C17orf114: variants seen among roughly 807,000 people sequenced by gnomAD.
C17orf114 encodes chromosome 17 open reading frame 114.
chr17:4,806,642 T>C (rs1905836807), upstream of C17orf114: 1 of 152,196 alleles, frequency 6.6e-6, no homozygotes, highest in Non-Finnish European at 1.5e-5. Flanking sequence ...AATGGGTTTG[T>C]AGCCACCACC....
upstream of C17orf114, among the ~76,000 whole-genome samples, chr17:4,803,934 C>T (rs941463089): frequency 6.6e-6 from 1 of 151,702 alleles, no homozygotes; most frequent in South Asian, 2.1e-4. Context: ...GTTGGCCAGG[C>T]TGTTCTCCAA....
upstream of C17orf114, among the ~76,000 whole-genome samples, chr17:4,804,036 T>C (rs1905579234): frequency 6.6e-6 from 1 of 151,940 alleles, no homozygotes; most frequent in African/African-American, 2.4e-5. Context: ...ATCTACTCTT[T>C]TGACCAGTAC....
chr17:4,802,283 C>T (rs1056455032), exon 1 of C17orf114: 6 of 399,676 alleles, frequency 1.5e-5, no homozygotes, highest in African/African-American at 6.2e-5. Context: ...CTCCGGCACC[C>T]GCACCATGGG....
chr17:4,804,202 T>C (rs192002162), upstream of C17orf114, among the ~76,000 whole-genome samples: 40 of 147,436 alleles, frequency 2.7e-4, no homozygotes, highest in African/African-American at 9.4e-4. Flanking sequence ...GTTTTTTTTC[T>C]TTTTTCTTTT....
At chr17:4,806,954 C>A (rs1905886961), upstream of C17orf114, 1 of 150,140 alleles carries the variant, frequency 6.7e-6, no homozygotes, top group African/African-American at 2.4e-5. Context: ...CTACGCGGCC[C>A]CGCGGCCCTG....
At chr17:4,804,002 A>G (rs1301804733), upstream of C17orf114, among the ~76,000 whole-genome samples, 1 of 151,260 alleles carries the variant, frequency 6.6e-6, no homozygotes, top group Non-Finnish European at 1.5e-5. Context: ...GATTACAGGC[A>G]TCAGCCACCA....
chr17:4,802,925 CT>C (rs905946969), upstream of C17orf114, among the ~76,000 whole-genome samples: 1 of 151,688 alleles, frequency 6.6e-6, no homozygotes, highest in African/African-American at 2.4e-5. Context: ...CGTCAAAGAT[CT>C]TTTTTTTGGG....
upstream of C17orf114, among the ~76,000 whole-genome samples, chr17:4,805,732 A>C (rs1905714320): frequency 6.6e-6 from 1 of 152,154 alleles, no homozygotes; most frequent in African/African-American, 2.4e-5. Flanking sequence ...AGGGCGGATC[A>C]CAAGGTCAAG....
upstream of C17orf114, among the ~76,000 whole-genome samples, chr17:4,805,973 C>T (rs773839524): frequency 6.6e-6 from 1 of 151,896 alleles, no homozygotes; most frequent in Non-Finnish European, 1.5e-5. Context: ...AAAAAAAGAG[C>T]GAGACTCCGT....
exon 2 of C17orf114, chr17:4,801,432 C>T: frequency 2.5e-6 from 1 of 398,890 alleles, no homozygotes; most frequent in Non-Finnish European, 4.4e-6. Flanking sequence ...GGACTGGGAT[C>T]TGGAGGGGCA....
upstream of C17orf114, among the ~76,000 whole-genome samples, chr17:4,804,881 G>A (rs544728420): frequency 3.3e-5 from 5 of 151,922 alleles, no homozygotes; most frequent in African/African-American, 7.2e-5. Flanking sequence ...ACCGCGCCCC[G>A]CCTTCTTTTT....
exon 2 of C17orf114, chr17:4,801,407 G>A (rs532959887): frequency 1.8e-4 from 71 of 398,918 alleles, no homozygotes; most frequent in African/African-American, 1.3e-3. Flanking sequence ...CTCAGCCATG[G>A]TGGGGGCTAT....
intron 1 of C17orf114, among the ~76,000 whole-genome samples, chr17:4,801,830 AAGTG>A (rs1260562728): frequency 6.6e-6 from 1 of 151,582 alleles, no homozygotes; most frequent in Non-Finnish European, 1.5e-5. Context: ...TCCCGGGTTC[AAGTG>A]ATTCTCCTGC....
At chr17:4,801,735 A>AT (rs533686137) in intron 1 of C17orf114, among the ~76,000 whole-genome samples, 2,085 of 142,782 alleles carry the variant, frequency 0.015, 22 homozygotes, top group South Asian at 0.028. Flanking sequence ...GAAATTCTTA[A>AT]TTTTTTTTTT....
intron 1 of C17orf114, among the ~76,000 whole-genome samples, chr17:4,801,817 G>A (rs990906791): frequency 1.3e-4 from 20 of 150,792 alleles, no homozygotes; most frequent in African/African-American, 2.2e-4. Context: ...TGCAACCTCC[G>A]CCTCCCGGGT....
intron 1 of C17orf114, among the ~76,000 whole-genome samples, chr17:4,801,999 G>C (rs780771149): frequency 7.9e-5 from 12 of 152,096 alleles, no homozygotes; most frequent in African/African-American, 4.8e-5. Flanking sequence ...AAAGTGCTAG[G>C]ATTACAGGCA....
upstream of C17orf114, among the ~76,000 whole-genome samples, chr17:4,805,554 G>A (rs1905687043): frequency 6.6e-6 from 1 of 151,006 alleles, no homozygotes; most frequent in South Asian, 2.1e-4. Flanking sequence ...GTGAAACCCC[G>A]TCTCTACTAA....
chr17:4,806,816 G>A (rs1237679666), upstream of C17orf114: 4 of 150,434 alleles, frequency 2.7e-5, no homozygotes, highest in East Asian at 7.8e-4. Flanking sequence ...GAGGGGCCCG[G>A]GGCGGGCGCC....
intron 1 of C17orf114, 137 bp from the exon 2 acceptor site, chr17:4,801,592 G>C: frequency 2.5e-6 from 1 of 397,722 alleles, no homozygotes; most frequent in Non-Finnish European, 4.4e-6. Context: ...GGTGGCAGCA[G>C]CAGGGGGAGG....
Sources: allele counts gnomAD v4.1 joint callset (sites outside exome capture counted in the v4.1 genomes callset), GRCh38; gene constraint gnomAD v4.1.1; transcripts MANE v1.5; gene names NCBI Gene and HGNC (gene_info 2026-07-23, HGNC 2026-07-21).